Variants in BRINP1 observed in about 807,000 individuals in gnomAD.
The protein encoded by BRINP1 is BMP/retinoic acid inducible neural specific 1.
BRINP1 carries 17 observed loss-of-function variants against 72.9 expected under a neutral mutation model. That is an observed-to-expected ratio of 0.23 (90% CI 0.16 to 0.35). The LOEUF is 0.35. BRINP1 is among the 10% of genes least tolerant of loss of function. The pLI, the probability that BRINP1 is intolerant of heterozygous loss-of-function variation, is 1.00. For synonymous variants in BRINP1, 418 were observed against 378.5 expected (o/e 1.10, Z -1.21); for missense variants, 850 against 1,001.6 (o/e 0.85, Z 2.04).
chr9:119,303,875 CTTT>C (rs11292229), intron 2 of BRINP1, among the ~76,000 whole-genome samples: 11 of 138,732 alleles, frequency 7.9e-5, no homozygotes, highest in East Asian at 2.1e-4. Context: ...CTCTTTTTTT[CTTT>C]TTTTTTTTTT....
At chr9:119,271,868 T>C (rs912231731) in intron 2 of BRINP1, among the ~76,000 whole-genome samples, 7 of 152,022 alleles carry the variant, frequency 4.6e-5, no homozygotes, top group East Asian at 1.9e-4. Context: ...CCATTTTTTT[T>C]TCTTTTTAAT....
intron 7 of BRINP1, among the ~76,000 whole-genome samples, chr9:119,195,884 C>CT (rs1373645644): frequency 1.3e-5 from 2 of 152,078 alleles, no homozygotes; most frequent in African/African-American, 4.8e-5. Flanking sequence ...GTGTAAACCA[C>CT]TTTTTTTTCC....
intron 7 of BRINP1, among the ~76,000 whole-genome samples, chr9:119,194,245 A>G (rs1205277090): frequency 6.6e-6 from 1 of 152,236 alleles, no homozygotes; most frequent in Middle Eastern, 3.2e-3. Flanking sequence ...TTAAGCCCCT[A>G]AATTTGGGTC....
intron 2 of BRINP1, among the ~76,000 whole-genome samples, chr9:119,278,139 C>A (rs1162143890): frequency 6.6e-6 from 1 of 152,122 alleles, no homozygotes; most frequent in Non-Finnish European, 1.5e-5. Flanking sequence ...TTGTTTTTCC[C>A]CTTCTCTGGG....
Position 119,328,804 on chromosome 9 carries a change from G to A in BRINP1, c.-50-15399C>T, listed in dbSNP as rs529405017. Among the ~76,000 whole-genome samples, 531 of 152,190 alleles carry A rather than the reference G, an allele frequency of 3.5e-3. 1 individual carries two copies. Among genetic ancestry groups the A allele is most frequent in the Non-Finnish European group, 5.8e-3 (394 of 67,996 alleles). On this transcript the variant is annotated intron_variant, in intron 1 of 7. Transcript: ENST00000265922. ...TCAGGGGAGCTGAGATTTGGCTTGG[G>A]AGTCAAAAAGACTTCTCAGGGGAGC... is the stretch of plus-strand genomic sequence containing the variant.
At chr9:119,228,548 C>T (rs1487529676) in intron 5 of BRINP1, among the ~76,000 whole-genome samples, 1 of 151,740 alleles carries the variant, frequency 6.6e-6, no homozygotes, top group Non-Finnish European at 1.5e-5. Flanking sequence ...AGAGGAGGGA[C>T]ATTTTAATCC....
chr9:119,199,974 C>T (rs1450701699), intron 7 of BRINP1, among the ~76,000 whole-genome samples: 2 of 152,164 alleles, frequency 1.3e-5, no homozygotes, highest in Non-Finnish European at 2.9e-5. Flanking sequence ...GATCTGTTCA[C>T]AAATTCCCTG....
chr9:119,312,573 A>G (rs924072213), intron 2 of BRINP1, among the ~76,000 whole-genome samples: 1 of 152,214 alleles, frequency 6.6e-6, no homozygotes, highest in East Asian at 1.9e-4. Context: ...GTAGAATGTC[A>G]ACGGTCCAAG....
At chr9:119,229,948 A>T (rs1830131008) in intron 5 of BRINP1, among the ~76,000 whole-genome samples, 1 of 151,996 alleles carries the variant, frequency 6.6e-6, no homozygotes, top group Admixed American at 6.6e-5. Context: ...ATCAAACAAG[A>T]ATCTAGGACA....
Position 119,166,721 on chromosome 9 carries a change from TCTTTC to T in BRINP1, c.*358_*362del. On this transcript the variant is annotated 3_prime_UTR_variant, in exon 8 of 8. Transcript: ENST00000265922. ...GTCAGTTGTACATTACATATATCTC[TCTTTC>T]TTTTTAGTGTTTAATCTTAGCACCT... The T allele has an allele frequency of 5.7e-6, 1 of 176,012 alleles. No individual in the cohort carries two copies. The highest frequency in any genetic ancestry group is 2.5e-3 in the Middle Eastern group (1 of 394). 10.9% of individuals were successfully genotyped at this position (176,012 alleles called of 1,614,324 possible). A position where few individuals can be genotyped will look rare whatever the true frequency, so the allele number is the denominator to read the frequency against.
Position 119,167,781 on chromosome 9 carries a change from C to T in BRINP1, c.1589G>A (p.Ser530Asn). 1 of 1,613,984 alleles carries T rather than the reference C, an allele frequency of 6.2e-7. No homozygotes were observed. The highest frequency in any genetic ancestry group is 8.5e-7 in the Non-Finnish European group (1 of 1,180,026). ...GATGAAGTCCATGCGGTTCTTGTTGCTCTTGAGAGTGAGGGACATGCGCTT... is the reference window on the plus strand; with the variant it reads ...GATGAAGTCCATGCGGTTCTTGTTGTTCTTGAGAGTGAGGGACATGCGCTT... ...WRKRMSLTLK[S>N]NKNRMDFIHM... The change falls in exon 8 of 8, where the codon AGC (serine) becomes AAC (asparagine). Residue 530 changes from serine (S) to asparagine (N), a missense_variant. By Grantham distance (46) the Ser-to-Asn change is conservative. Transcript: ENST00000265922. The surrounding 1 kb of genome is among the most constrained non-coding windows in gnomAD (Gnocchi z 4.3).
chr9:119,168,288 T>C lies in BRINP1; in HGVS notation c.1146-64A>G, dbSNP rs1396613224. ...TGAGTGGGTCTGTGAGTTACAGTTA[T>C]CCAACTGATAATGCGAACTGGAGCT... On this transcript the variant is annotated intron_variant, in intron 7 of 7. Coordinates refer to ENST00000265922, the MANE Select transcript of BRINP1 (RefSeq NM_014618.3). 25 of 1,327,660 alleles carry C rather than the reference T, an allele frequency of 1.9e-5. 1 individual carries two copies. The highest frequency in any genetic ancestry group is 2.3e-5 in the Non-Finnish European group (23 of 1,001,862). 82.2% of individuals were successfully genotyped at this position (1,327,660 alleles called of 1,614,324 possible).
intron 1 of BRINP1, among the ~76,000 whole-genome samples, chr9:119,366,689 A>G (rs1831696019): frequency 1.3e-5 from 2 of 151,858 alleles, no homozygotes; most frequent in Admixed American, 6.6e-5. Flanking sequence ...TTGTCTTGGT[A>G]GGGGTCATGG....
chr9:119,208,609 G>A (rs1411294369), intron 7 of BRINP1, 110 bp downstream of exon 7: 7 of 1,145,836 alleles, frequency 6.1e-6, no homozygotes, highest in African/African-American at 1.5e-5. Flanking sequence ...GCGAGGTCCT[G>A]TTTGCCACCC....
intron 5 of BRINP1, among the ~76,000 whole-genome samples, chr9:119,238,156 C>A (rs973888120): frequency 1.3e-5 from 2 of 149,290 alleles, no homozygotes; most frequent in African/African-American, 4.9e-5. Flanking sequence ...AAAATCCTTA[C>A]TTTTTTTGAT....
Position 119,167,550 on chromosome 9 carries a change from C to T in BRINP1, c.1820G>A (p.Arg607Gln), listed in dbSNP as rs150796528. The change falls in exon 8 of 8, where the codon CGG becomes CAG. Residue 607 changes from arginine to glutamine, a missense_variant. Transcript: ENST00000265922. The surrounding 1 kb of genome is among the most constrained non-coding windows in gnomAD (Gnocchi z 4.3). ...CYNWTLLLGN[R>Q]WKTFFETVHI... is the part of the protein sequence containing the mutation. ...GACCGTCTCGAAAAATGTTTTCCAC[C>T]GATTGCCCAGCAAAAGAGTCCAGTT... The T allele has an allele frequency of 4.8e-4, 768 of 1,614,104 alleles. 2 individuals are homozygous for T. The highest frequency in any genetic ancestry group is 5.6e-4 in the Non-Finnish European group (660 of 1,180,026).
chr9:119,340,510 C>T (rs1483624283), intron 1 of BRINP1, among the ~76,000 whole-genome samples: 1 of 152,152 alleles, frequency 6.6e-6, no homozygotes, highest in Non-Finnish European at 1.5e-5. Context: ...ACCTCCTCTT[C>T]CCCAGTCCAG....
intron 1 of BRINP1, among the ~76,000 whole-genome samples, chr9:119,347,354 C>T (rs534014375): frequency 2.6e-5 from 4 of 152,176 alleles, no homozygotes; most frequent in Non-Finnish European, 5.9e-5. Context: ...GGGCAAGTCA[C>T]AGAAACCCTT....
intron 1 of BRINP1, among the ~76,000 whole-genome samples, chr9:119,314,884 A>C (rs1481403203): frequency 1.3e-5 from 2 of 152,092 alleles, no homozygotes; most frequent in Non-Finnish European, 2.9e-5. Flanking sequence ...GTGCTCAATA[A>C]ATGTCACGTA....
Sources: gnomAD v4.1 joint callset for allele counts (sites outside exome capture counted in the v4.1 genomes callset) on GRCh38, gnomAD v4.1.1 for gene constraint, Gnocchi (gnomAD v3.1) non-coding constraint, MANE v1.5 for transcripts, NCBI Gene and HGNC (gene_info 2026-07-23, HGNC 2026-07-21) for gene names.